The following SUGCT variants were observed in gnomAD, a reference collection of about 807,000 sequenced individuals.
The protein encoded by SUGCT is succinyl-CoA:glutarate-CoA transferase.
A neutral mutation model predicts 55.0 loss-of-function variants in SUGCT; 41 were observed. The observed-to-expected ratio is 0.74, with a 90% confidence interval of 0.58 to 0.97. The LOEUF (loss-of-function observed/expected upper bound fraction) is 0.97. Among genes scored for constraint, SUGCT ranks in the 50% least tolerant of loss-of-function variants. The pLI, the probability that SUGCT is intolerant of heterozygous loss-of-function variation, is 0.00. For synonymous variants in SUGCT, 187 were observed against 200.4 expected, an observed-to-expected ratio of 0.93 and a Z score of 0.56; for missense variants, 568 against 547.8, an observed-to-expected ratio of 1.04 and a Z score of -0.37.
At chr7:40,193,906 AAAAC>A (rs1372484179) in intron 5 of SUGCT, among the ~76,000 whole-genome samples, 2 of 152,118 alleles carry the variant, frequency 1.3e-5, no homozygotes, top group Non-Finnish European at 2.9e-5. Flanking sequence ...TGGCCCTTTA[AAAAC>A]ATTTTTAAAA....
chr7:40,188,450 A>C (rs1457752637), intron 3 of SUGCT, 45 bp from the exon 4 acceptor site: 25 of 1,346,604 alleles, frequency 1.9e-5, no homozygotes, highest in East Asian at 2.4e-5. Context: ...AAAAAAAAAA[A>C]AAAAACAAAC....
intron 9 of SUGCT, among the ~76,000 whole-genome samples, chr7:40,358,599 A>G (rs1168942946): frequency 6.6e-6 from 1 of 152,102 alleles, no homozygotes; most frequent in Non-Finnish European, 1.5e-5. Context: ...CTGTAATCCC[A>G]GCTACTCGGA....
intron 13 of SUGCT, among the ~76,000 whole-genome samples, chr7:40,845,490 G>A (rs1793507668): frequency 6.6e-6 from 1 of 152,154 alleles, no homozygotes; most frequent in South Asian, 2.1e-4. Flanking sequence ...TTGAACCAAG[G>A]GGATGACAGA....
At chr7:40,908,195 G>T in the SUGCT span, among the ~76,000 whole-genome samples, 1 of 151,518 alleles carries the variant, frequency 6.6e-6, no homozygotes, top group Non-Finnish European at 1.5e-5. Context: ...TGGCTAACAC[G>T]GTGAAACCCC....
chr7:40,503,943 C>A (rs187239508), intron 12 of SUGCT, among the ~76,000 whole-genome samples: 17 of 152,144 alleles, frequency 1.1e-4, no homozygotes, highest in Admixed American at 1.1e-3. Flanking sequence ...CTCTTAGAAA[C>A]AATAGAAAAC....
chr7:40,877,738 G>A, the SUGCT span, among the ~76,000 whole-genome samples: 3 of 152,206 alleles, frequency 2.0e-5, no homozygotes, highest in Non-Finnish European at 4.4e-5. Flanking sequence ...GCCTGGCTGA[G>A]TTATTAGATA....
intron 2 of SUGCT, 124 bp downstream of exon 2, chr7:40,181,122 A>C (rs1352994512): frequency 2.6e-6 from 2 of 758,260 alleles, no homozygotes; most frequent in Admixed American, 4.8e-5. Flanking sequence ...AGAAAATAAG[A>C]AAAGAAAAAT....
At chr7:40,851,188 T>C (rs1186586533) in intron 13 of SUGCT, among the ~76,000 whole-genome samples, 2 of 152,162 alleles carry the variant, frequency 1.3e-5, no homozygotes, top group African/African-American at 4.8e-5. Flanking sequence ...GTTGTATCAC[T>C]TCTCAAAAAC....
At position 40,560,255 on chromosome 7, in the gene SUGCT, CAT is replaced by C. The variant is rs1314561247; in HGVS notation, c.1089+63870_1089+63871del. Among the ~76,000 whole-genome samples, 6 of 152,258 alleles carry C rather than the reference CAT, an allele frequency of 3.9e-5. No homozygotes were observed. The South Asian group carries it at 8.3e-4, about 21-fold the overall frequency. On this transcript the variant is annotated intron_variant, in intron 12 of 13. Transcript: ENST00000335693. ...GAGCATTTGGAAAGTGATACACACA[CAT>C]GTGCATGCATGCATGCACATATATA... is the stretch of plus-strand genomic sequence containing the variant.
intron 12 of SUGCT, among the ~76,000 whole-genome samples, chr7:40,504,489 C>T (rs906150225): frequency 6.6e-5 from 10 of 151,904 alleles, no homozygotes; most frequent in African/African-American, 2.2e-4. Flanking sequence ...GGCTGGAGTG[C>T]ACTGACACAA....
In SUGCT at chr7:40,676,894, CGTGTGTGT is replaced by C. The variant is rs3221667; in HGVS notation, c.1090-72506_1090-72499del. Among the ~76,000 whole-genome samples the C allele has an allele frequency of 1.8e-3, 254 of 144,050 alleles. 1 individual carries two copies. Among genetic ancestry groups the C allele is most frequent in the East Asian group, 0.012 (59 of 4,798 alleles). The allele number at this position is 144,050 out of a possible 152,430, so 94.5% of individuals were successfully genotyped here. On this transcript the variant is annotated intron_variant, in intron 12 of 13. Coordinates refer to ENST00000335693, the MANE Select transcript of SUGCT (RefSeq NM_001193313.2). Reference sequence around the variant, plus strand: ...ATACAAATGCAAACTTTCAGAATGACGTGTGTGTGTGTGTGTGTGTGTGTGTGTGTGTG... The same window carrying C: ...ATACAAATGCAAACTTTCAGAATGACGTGTGTGTGTGTGTGTGTGTGTGTG...
intron 9 of SUGCT, among the ~76,000 whole-genome samples, chr7:40,411,849 A>G (rs780636403): frequency 1.3e-5 from 2 of 152,182 alleles, no homozygotes; most frequent in Non-Finnish European, 2.9e-5. Context: ...ATCTTTATAC[A>G]TTACATGAAC....
chr7:40,441,956 C>T (rs989670428), intron 9 of SUGCT, among the ~76,000 whole-genome samples: 31 of 152,080 alleles, frequency 2.0e-4, no homozygotes, highest in Non-Finnish European at 7.4e-5. Flanking sequence ...GGTTGTATTA[C>T]TTCCTTCATA....
At chr7:40,615,744 AT>A (rs1224064561) in intron 12 of SUGCT, among the ~76,000 whole-genome samples, 2 of 152,182 alleles carry the variant, frequency 1.3e-5, no homozygotes, top group Non-Finnish European at 2.9e-5. Flanking sequence ...AGCAAATAAA[AT>A]TTTTGTCTTT....
chr7:40,411,637 C>T (rs1361427525), intron 9 of SUGCT, among the ~76,000 whole-genome samples: 1 of 151,960 alleles, frequency 6.6e-6, no homozygotes, highest in African/African-American at 2.4e-5. Flanking sequence ...AGAGGGGGGA[C>T]AAACAATGAT....
chr7:40,458,452 G>T (rs1443656621), intron 10 of SUGCT, among the ~76,000 whole-genome samples: 1 of 152,172 alleles, frequency 6.6e-6, no homozygotes, highest in African/African-American at 2.4e-5. Context: ...TTTCTAGTTG[G>T]TATTACTTCA....
intron 7 of SUGCT, among the ~76,000 whole-genome samples, chr7:40,271,588 G>T (rs74931186): frequency 6.6e-6 from 1 of 151,972 alleles, no homozygotes; most frequent in East Asian, 1.9e-4. Flanking sequence ...TGTTTTCAGG[G>T]TTCATGTGAT....
chr7:40,671,576 A>C (rs902546208), intron 12 of SUGCT, among the ~76,000 whole-genome samples: 2 of 152,218 alleles, frequency 1.3e-5, no homozygotes, highest in Non-Finnish European at 2.9e-5. Context: ...AGCAGTGTAC[A>C]TGTGGACACC....
rs577195484 is a variant in SUGCT, at chr7:40,200,190, T to A, written c.484+5130T>A. Among the ~76,000 whole-genome samples the A allele has an allele frequency of 3.7e-4, 56 of 152,318 alleles. 1 individual carries two copies. Among genetic ancestry groups the A allele is most frequent in the Non-Finnish European group, 5.1e-4 (35 of 68,034 alleles). ...CCCTTTCCTACCCCCAAACAACTAT[T>A]TCTTGATCTTCTGTATATTCCTGGC... On this transcript the variant is annotated intron_variant, in intron 6 of 13. Transcript: ENST00000335693.
Sources: allele counts gnomAD v4.1 joint callset (sites outside exome capture counted in the v4.1 genomes callset), GRCh38; gene constraint gnomAD v4.1.1; transcripts MANE v1.5; gene names NCBI Gene and HGNC (gene_info 2026-07-23, HGNC 2026-07-21).